Variants in EXPH5 observed in about 807,000 individuals in gnomAD.
EXPH5 encodes exophilin-5.
A neutral mutation model predicts 41.1 loss-of-function variants in EXPH5; 42 were observed. The observed-to-expected ratio is 1.02, with a 90% CI of 0.80 to 1.32. The LOEUF (loss-of-function observed/expected upper bound fraction) is 1.32. EXPH5 is among the 40% of genes most tolerant of loss of function. The pLI is 0.00. For synonymous variants in EXPH5, 798 were observed against 833.5 expected (o/e 0.96, Z 0.73); for missense variants, 2,298 against 2,314.5 (o/e 0.99, Z 0.15).
chr11:108,514,426 G>T lies in EXPH5; in HGVS notation c.1081C>A (p.Gln361Lys), dbSNP rs771619586. The T allele has an allele frequency of 1.1e-5, 18 of 1,614,036 alleles. No homozygotes were observed. The South Asian group carries it at 1.5e-4, about 14-fold the overall frequency. Reference sequence around the variant, plus strand: ...GATAAAGGAGTTCTCTTTGGACTCTGCTGGTGCCTTGGTGGTATAAACCCA... The same window carrying T: ...GATAAAGGAGTTCTCTTTGGACTCTTCTGGTGCCTTGGTGGTATAAACCCA... ...KSGFIPPRHQ[Q>K]SPKRTPLSSI... Residue 361 changes from glutamine to lysine, a missense_variant, in exon 6 of 6, where the codon CAG becomes AAG. Transcript: ENST00000265843.
rs114306563 is a variant in EXPH5 at position 108,510,353 on chromosome 11, G to A, written c.5154C>T (p.Asp1718=). The part of the protein sequence containing the change: ...ESPSKHENSK[D]VTAAQNLVRE... ...TTACTAAATTCTGAGCTGCTGTGAC[G>A]TCTTTAGAATTCTCATGCTTTGATG... The change falls in exon 6 of 6, where the codon GAC becomes GAT. Residue 1718 remains aspartate (D), a synonymous_variant. Coordinates refer to ENST00000265843, the MANE Select transcript of EXPH5 (RefSeq NM_015065.3). 1.5e-4 allele frequency: 238 copies of A among 1,614,178 alleles called. No homozygotes were observed. The highest frequency in any genetic ancestry group is 1.8e-4 in the Non-Finnish European group (207 of 1,180,028).
upstream of EXPH5, among the ~76,000 whole-genome samples, chr11:108,593,999 G>A (rs2094134960): frequency 1.3e-5 from 2 of 152,110 alleles, no homozygotes; most frequent in South Asian, 4.1e-4. Context: ...TTTTGCTGTT[G>A]CTGTTTGCTC....
At chr11:108,597,285 C>T (rs1337336780), upstream of EXPH5, among the ~76,000 whole-genome samples, 2 of 152,156 alleles carry the variant, frequency 1.3e-5, no homozygotes, top group Non-Finnish European at 2.9e-5. Context: ...GCAATCTCCG[C>T]CTCCAGGGTT....
At chr11:108,555,131 G>A (rs2093984367) in intron 1 of EXPH5, among the ~76,000 whole-genome samples, 1 of 152,202 alleles carries the variant, frequency 6.6e-6, no homozygotes, top group Non-Finnish European at 1.5e-5. Flanking sequence ...AAGACAAGAG[G>A]AGTGCACTGG....
chr11:108,586,363 A>G (rs955515946), intron 1 of EXPH5, among the ~76,000 whole-genome samples: 4 of 152,098 alleles, frequency 2.6e-5, no homozygotes, highest in African/African-American at 9.7e-5. Context: ...ACATTCTTTA[A>G]CAAATAAAAC....
At chr11:108,525,319 T>C (rs1565792904) in intron 4 of EXPH5, among the ~76,000 whole-genome samples, 1 of 152,164 alleles carries the variant, frequency 6.6e-6, no homozygotes, top group Non-Finnish European at 1.5e-5. Flanking sequence ...AAGTGCCACA[T>C]TGGAGGTGTG....
At position 108,555,416 on chromosome 11, in the gene EXPH5, C is replaced by A. The variant is rs1034506484; in HGVS notation, c.120-13604G>T. 5.9e-5 allele frequency among the ~76,000 whole-genome samples: 9 copies of A among 152,252 alleles called. No homozygotes were observed. The East Asian group carries it at 1.7e-3, about 29-fold the overall frequency. On this transcript the variant is annotated intron_variant, in intron 1 of 5. Coordinates refer to ENST00000265843, the MANE Select transcript of EXPH5 (RefSeq NM_015065.3). ...CATTTATTGAGCATTTACTATATAT[C>A]ATACACTGTTCTAGCAGCTTGGAAT...
intron 1 of EXPH5, among the ~76,000 whole-genome samples, chr11:108,564,185 G>A (rs2094024895): frequency 6.6e-6 from 1 of 152,112 alleles, no homozygotes; most frequent in Non-Finnish European, 1.5e-5. Flanking sequence ...TTATTCAGGA[G>A]GCTGAGGCAG....
At chr11:108,539,242 GA>G in intron 2 of EXPH5, 56 bp from the exon 3 acceptor site, 1 of 1,270,488 alleles carries the variant, frequency 7.9e-7, no homozygotes, top group Non-Finnish European at 1.1e-6. Context: ...AAATATACTT[GA>G]AAGAATGAAG....
At chr11:108,538,963 G>A (rs761989775) in intron 3 of EXPH5, 61 bp downstream of exon 3, 3 of 1,365,328 alleles carry the variant, frequency 2.2e-6, no homozygotes, top group Non-Finnish European at 3.0e-6. Context: ...ACACAAAACA[G>A]GCTGCTGGCC....
intron 3 of EXPH5, among the ~76,000 whole-genome samples, chr11:108,533,971 G>A (rs1453971439): frequency 6.6e-6 from 1 of 151,956 alleles, no homozygotes; most frequent in Non-Finnish European, 1.5e-5. Context: ...ATTTTTTAAT[G>A]TTTTGTAGAG....
intron 3 of EXPH5, chr11:108,538,267 C>A: frequency 1.0e-6 from 1 of 985,324 alleles, no homozygotes; most frequent in Non-Finnish European, 1.2e-6. Flanking sequence ...GCCAAGCCAA[C>A]ACCTTAAGAG....
At chr11:108,575,258 G>C (rs1055294347) in intron 1 of EXPH5, among the ~76,000 whole-genome samples, 1 of 152,162 alleles carries the variant, frequency 6.6e-6, no homozygotes, top group African/African-American at 2.4e-5. Context: ...CACCATCCAG[G>C]GATAGAAAGG....
At chr11:108,525,844 T>A (rs925254559) in intron 4 of EXPH5, among the ~76,000 whole-genome samples, 1 of 152,056 alleles carries the variant, frequency 6.6e-6, no homozygotes, top group Non-Finnish European at 1.5e-5. Context: ...GATATTACTT[T>A]AAAAATTTAG....
chr11:108,521,093 CTT>C (rs898254590), intron 4 of EXPH5, among the ~76,000 whole-genome samples: 4 of 152,142 alleles, frequency 2.6e-5, no homozygotes, highest in African/African-American at 9.7e-5. Flanking sequence ...CCTTTCCAGT[CTT>C]TATTTTCAGC....
chr11:108,606,489 T>G, the EXPH5 span, among the ~76,000 whole-genome samples: 1 of 152,230 alleles, frequency 6.6e-6, no homozygotes, highest in Non-Finnish European at 1.5e-5. Context: ...GTTTTCCACC[T>G]AGTAACCAGC....
chr11:108,602,747 G>T, the EXPH5 span, among the ~76,000 whole-genome samples: 3 of 152,220 alleles, frequency 2.0e-5, no homozygotes, highest in Non-Finnish European at 4.4e-5. Context: ...AGATTATAAG[G>T]GGTTAGTAGG....
chr11:108,537,803 T>A (rs1157382941), intron 3 of EXPH5, among the ~76,000 whole-genome samples: 1 of 152,228 alleles, frequency 6.6e-6, no homozygotes, highest in Non-Finnish European at 1.5e-5. Context: ...TCACCTAAGA[T>A]ACAAATGATA....
intron 1 of EXPH5, among the ~76,000 whole-genome samples, chr11:108,565,408 C>T (rs1466609195): frequency 6.6e-6 from 1 of 152,210 alleles, no homozygotes; most frequent in Non-Finnish European, 1.5e-5. Flanking sequence ...CACTACAGCA[C>T]ACCACAGATC....
Sources: allele counts gnomAD v4.1 joint callset (sites outside exome capture counted in the v4.1 genomes callset), GRCh38; gene constraint gnomAD v4.1.1; transcripts MANE v1.5; gene names NCBI Gene and HGNC (gene_info 2026-07-23, HGNC 2026-07-21).